Variants in CXXC5 observed in about 807,000 individuals in gnomAD.
CXXC5 encodes CXXC-type zinc finger protein 5.
In CXXC5, 2 loss-of-function variants were observed where a neutral mutation model predicts 17.6. The observed-to-expected ratio is 0.11, with a 90% confidence interval of 0.05 to 0.36. The LOEUF (loss-of-function observed/expected upper bound fraction) is 0.36. Among genes scored for constraint, CXXC5 ranks in the 10% least tolerant of loss-of-function variants. The pLI is 1.00. For synonymous variants in CXXC5, 171 were observed against 193.0 expected (o/e 0.89, Z 0.94); for missense variants, 343 against 458.3 (o/e 0.75, Z 2.30).
At chr5:139,655,361 C>T (rs530596486) in intron 1 of CXXC5, among the ~76,000 whole-genome samples, 36 of 152,140 alleles carry the variant, frequency 2.4e-4, no homozygotes, top group East Asian at 1.2e-3. Context: ...TGGCCTAGCT[C>T]TTCAATATTT....
At chr5:139,667,546 G>A (rs1032773291) in intron 1 of CXXC5, among the ~76,000 whole-genome samples, 2 of 152,224 alleles carry the variant, frequency 1.3e-5, no homozygotes, top group African/African-American at 4.8e-5. Flanking sequence ...CCTGGTTCAG[G>A]TGGGTGTGGG....
chr5:139,681,145 T>C lies in CXXC5; in HGVS notation c.622T>C (p.Phe208Leu), dbSNP rs1356653136. The C allele has an allele frequency of 3.1e-6, 5 of 1,612,756 alleles. No individual in the cohort carries two copies. Among genetic ancestry groups the C allele is most frequent in the African/African-American group, 1.3e-5 (1 of 74,944 alleles). Residue 208 changes from phenylalanine to leucine, a missense_variant, in exon 2 of 3, where the codon TTC becomes CTC. Phe to Leu is a conservative substitution (Grantham distance 22, BLOSUM62 0). Around this residue, in one of 4 missense-constraint regions of CXXC5, gnomAD observed 297 missense variants for 363.4 expected, o/e 0.82. Coordinates refer to ENST00000302517, the MANE Select transcript of CXXC5 (RefSeq NM_016463.9). Reference sequence around the variant, plus strand: ...CGAAGCCCTCAATGGCCAGTCCGACTTCCCCTACCTGGGCGCTTTCCCCAT... The same window carrying C: ...CGAAGCCCTCAATGGCCAGTCCGACCTCCCCTACCTGGGCGCTTTCCCCAT... ...GAEALNGQSDFPYLGAFPINP... is the reference protein window; with the variant it reads ...GAEALNGQSDLPYLGAFPINP...
intron 2 of CXXC5, 83 bp downstream of exon 2, chr5:139,681,530 T>G: frequency 1.4e-6 from 2 of 1,476,830 alleles, no homozygotes; most frequent in Non-Finnish European, 1.8e-6. Flanking sequence ...GACCCCACTT[T>G]TCCTACCTGG....
Position 139,661,066 on chromosome 5 carries a change from C to T in CXXC5, c.-161+12221C>T, listed in dbSNP as rs538784841. 1.1e-4 allele frequency among the ~76,000 whole-genome samples: 17 copies of T among 152,274 alleles called. No homozygotes were observed. In the South Asian group the frequency reaches 2.5e-3, roughly 22 times the overall value. ...GGAGTCTGGGGGACCAGGACAGCCT[C>T]CCCCACCTCCGCCCTCATGCTCTTC... On this transcript the variant is annotated intron_variant, in intron 1 of 2. Coordinates refer to ENST00000302517, the MANE Select transcript of CXXC5 (RefSeq NM_016463.9). This position sits in a 1 kb window ranked among gnomAD's most constrained non-coding sequence, Gnocchi z 4.7.
intron 1 of CXXC5, among the ~76,000 whole-genome samples, chr5:139,662,174 C>T (rs780689269): frequency 2.0e-5 from 3 of 152,182 alleles, no homozygotes; most frequent in Non-Finnish European, 4.4e-5. Context: ...GCTTACCACA[C>T]ACCTGCTTCT....
At chr5:139,656,443 TTACA>T (rs1256409256) in intron 1 of CXXC5, among the ~76,000 whole-genome samples, 5 of 151,384 alleles carry the variant, frequency 3.3e-5, no homozygotes, top group Admixed American at 6.6e-5. Context: ...ACCTAAGTGC[TTACA>T]TACACACACA....
intron 1 of CXXC5, among the ~76,000 whole-genome samples, chr5:139,673,266 A>G (rs953163426): frequency 2.0e-5 from 3 of 152,142 alleles, no homozygotes; most frequent in African/African-American, 4.8e-5. Context: ...CTTGTTAGCT[A>G]TGGTCCCAGG....
chr5:139,673,742 T>C (rs1485190373), intron 1 of CXXC5, among the ~76,000 whole-genome samples: 2 of 150,718 alleles, frequency 1.3e-5, no homozygotes, highest in African/African-American at 4.9e-5. Flanking sequence ...CTCTGGAGGC[T>C]GAGGCAGGAG....
rs117951895 is a variant in CXXC5 at position 139,656,103 on chromosome 5, G to T, written c.-161+7258G>T. Among the ~76,000 whole-genome samples, 8 of 152,380 alleles carry T rather than the reference G, an allele frequency of 5.3e-5. No individual in the cohort carries two copies. In the East Asian group the frequency reaches 1.5e-3, roughly 29 times the overall value. Reference sequence around the variant, plus strand: ...CTCCTCAGACGTGCCCAGCCTGCCAGCAGGAACACTTGTGTGCCATGCCAG... The same window carrying T: ...CTCCTCAGACGTGCCCAGCCTGCCATCAGGAACACTTGTGTGCCATGCCAG... On this transcript the variant is annotated intron_variant, in intron 1 of 2. Coordinates refer to ENST00000302517, the MANE Select transcript of CXXC5 (RefSeq NM_016463.9).
chr5:139,680,949 C>T lies in CXXC5; in HGVS notation c.426C>T (p.Ala142=). The change falls in exon 2 of 3, where the codon GCC becomes GCT. Residue 142 remains alanine (A), a synonymous_variant. Coordinates refer to ENST00000302517, the MANE Select transcript of CXXC5 (RefSeq NM_016463.9). ...CAAAGCACAAAAGTGGTGCTGTGGC[C>T]AGCCTGCTGAGCAAGGCAGAGCGGG... The part of the protein sequence containing the change: ...PTSKHKSGAV[A]SLLSKAERAT... 3 of 1,601,808 alleles carry T rather than the reference C, an allele frequency of 1.9e-6. No individual in the cohort carries two copies. The South Asian group carries it at 3.3e-5, about 18-fold the overall frequency.
At chr5:139,673,259 G>A (rs1039951960) in intron 1 of CXXC5, among the ~76,000 whole-genome samples, 1 of 152,190 alleles carries the variant, frequency 6.6e-6, no homozygotes, top group African/African-American at 2.4e-5. Flanking sequence ...CCCCATACTT[G>A]TTAGCTATGG....
chr5:139,650,847 A>T (rs1561530609), intron 1 of CXXC5: 3 of 151,836 alleles, frequency 2.0e-5, no homozygotes, highest in Non-Finnish European at 4.4e-5. Context: ...GTAACTGCGT[A>T]TTGTTGATTT....
In CXXC5 at chr5:139,652,374, C is replaced by T. The variant is rs183087914; in HGVS notation, c.-161+3529C>T. 1.7e-3 allele frequency among the ~76,000 whole-genome samples: 261 copies of T among 152,120 alleles called. 1 individual carries two copies. Among genetic ancestry groups the T allele is most frequent in the South Asian group, 6.7e-3 (32 of 4,806 alleles). On this transcript the variant is annotated intron_variant, in intron 1 of 2. Coordinates refer to ENST00000302517, the MANE Select transcript of CXXC5 (RefSeq NM_016463.9). ...TCTCTTACTTCCCCCTCACCTCCCC[C>T]CAACGCTGAGCCCACCCTTCCTGGA...
At chr5:139,675,333 C>G (rs1287064133) in intron 1 of CXXC5, 1 of 152,184 alleles carries the variant, frequency 6.6e-6, no homozygotes, top group Non-Finnish European at 1.5e-5. Context: ...AAGATTGAAC[C>G]CTGCGGGGGG....
chr5:139,667,824 T>C (rs1222324422), intron 1 of CXXC5, among the ~76,000 whole-genome samples: 1 of 152,220 alleles, frequency 6.6e-6, no homozygotes, highest in Non-Finnish European at 1.5e-5. Context: ...ATCACGCATA[T>C]GTTGTTCTCG....
Position 139,670,380 on chromosome 5 carries a change from G to C in CXXC5, c.-160-9984G>C, listed in dbSNP as rs1756393410. 6.6e-6 allele frequency among the ~76,000 whole-genome samples: 1 copy of C among 152,178 alleles called. No homozygotes were observed. The highest frequency in any genetic ancestry group is 2.4e-5 in the African/African-American group (1 of 41,426). ...CAGATTCTCAGCTAGTGGAACCCTGGGTTGGTTTCTCAGAGGCACAAACTG... is the reference window on the plus strand; with the variant it reads ...CAGATTCTCAGCTAGTGGAACCCTGCGTTGGTTTCTCAGAGGCACAAACTG... On this transcript the variant is annotated intron_variant, in intron 1 of 2. Coordinates refer to ENST00000302517, the MANE Select transcript of CXXC5 (RefSeq NM_016463.9). This position sits in a 1 kb window ranked among gnomAD's most constrained non-coding sequence, Gnocchi z 4.2.
At position 139,681,335 on chromosome 5, in the gene CXXC5, G is replaced by C; in HGVS notation, c.812G>C (p.Arg271Pro). 6.2e-7 allele frequency: 1 copy of C among 1,612,556 alleles called. No homozygotes were observed. Among genetic ancestry groups the C allele is most frequent in the Non-Finnish European group, 8.5e-7 (1 of 1,179,682 alleles). ...KRCGMCAPCRRRINCEQCSSC... is the reference protein window; with the variant it reads ...KRCGMCAPCRPRINCEQCSSC... ...TGCGGCATGTGCGCGCCCTGCCGGC[G>C]GCGCATCAACTGCGAGCAGTGCAGC... is the stretch of plus-strand genomic sequence containing the variant. Residue 271 changes from arginine (R) to proline (P), a missense_variant, in exon 2 of 3, where the codon CGG (arginine) becomes CCG (proline). By Grantham distance (103) the Arg-to-Pro change is moderately radical. Transcript: ENST00000302517.
At chr5:139,681,567 C>A (rs551492250) in intron 2 of CXXC5, 120 bp downstream of exon 2, 12 of 1,251,646 alleles carry the variant, frequency 9.6e-6, no homozygotes, top group South Asian at 3.1e-5. Context: ...TGCCCCCTCC[C>A]AGTCCTTGGG....
rs1205759035 is a variant in CXXC5 at position 139,658,057 on chromosome 5, C to T, written c.-161+9212C>T. 1.3e-5 allele frequency among the ~76,000 whole-genome samples: 2 copies of T among 152,166 alleles called. No individual in the cohort carries two copies. Among genetic ancestry groups the T allele is most frequent in the African/African-American group, 2.4e-5 (1 of 41,436 alleles). On this transcript the variant is annotated intron_variant, in intron 1 of 2. Coordinates refer to ENST00000302517, the MANE Select transcript of CXXC5 (RefSeq NM_016463.9). This position sits in a 1 kb window ranked among gnomAD's most constrained non-coding sequence, Gnocchi z 4.1. The stretch of plus-strand genomic sequence containing the variant: ...AGCTTCTCTCCAGGCCAGGGGCTCC[C>T]GACAGCTTCATGCCAGTTCCTGTTG...
Sources: gnomAD v4.1 joint callset for allele counts (sites outside exome capture counted in the v4.1 genomes callset) on GRCh38, gnomAD v4.1.1 for gene constraint, gnomAD v4.1.1 regional missense constraint, Gnocchi (gnomAD v3.1) non-coding constraint, MANE v1.5 for transcripts, NCBI Gene and HGNC (gene_info 2026-07-23, HGNC 2026-07-21) for gene names.